Variants in EYA4 observed in about 807,000 individuals in gnomAD.
The protein encoded by EYA4 is protein phosphatase EYA4.
In EYA4, 31 loss-of-function variants were observed where a neutral mutation model predicts 87.9. The observed-to-expected ratio is 0.35, with a 90% confidence interval of 0.27 to 0.48. EYA4 has a LOEUF of 0.48. Among genes scored for constraint, EYA4 ranks in the 20% least tolerant of loss-of-function variants. The pLI is 0.99. For missense variants in EYA4, 678 were observed against 761.4 expected, an observed-to-expected ratio of 0.89 and a Z score of 1.29; for synonymous variants, 263 against 270.6, an observed-to-expected ratio of 0.97 and a Z score of 0.28.
chr6:133,348,106 C>T (rs941506727), intron 2 of EYA4, among the ~76,000 whole-genome samples: 3 of 152,074 alleles, frequency 2.0e-5, no homozygotes, highest in South Asian at 2.1e-4. Flanking sequence ...TCAGCTTCTT[C>T]GTTTGGGTGA....
At chr6:133,515,259 A>G (rs962361649) in intron 16 of EYA4, 62 bp from the exon 17 acceptor site, 8 of 837,246 alleles carry the variant, frequency 9.6e-6, no homozygotes, top group Admixed American at 8.5e-5. Context: ...AAGGGAATCT[A>G]AACTAGATAT....
intron 17 of EYA4, among the ~76,000 whole-genome samples, chr6:133,519,095 G>A (rs1295937588): frequency 6.6e-6 from 1 of 151,556 alleles, no homozygotes; most frequent in Non-Finnish European, 1.5e-5. Context: ...AACTAGAAAA[G>A]CAAGAGCAAA....
chr6:133,477,835 C>CATATAT (rs540198192), intron 11 of EYA4, among the ~76,000 whole-genome samples: 70 of 146,322 alleles, frequency 4.8e-4, no homozygotes, highest in African/African-American at 1.6e-3. Flanking sequence ...CACACACACG[C>CATATAT]ATATATATAT....
intron 19 of EYA4, among the ~76,000 whole-genome samples, chr6:133,527,567 T>C (rs1350437225): frequency 6.6e-6 from 1 of 152,216 alleles, no homozygotes; most frequent in African/African-American, 2.4e-5. Context: ...GTAAAAATTA[T>C]TGAAGTCATG....
chr6:133,443,290 T>A (rs1349849322), intron 3 of EYA4, among the ~76,000 whole-genome samples: 1 of 152,008 alleles, frequency 6.6e-6, no homozygotes, highest in African/African-American at 2.4e-5. Context: ...TGATAAATAT[T>A]TAATTATAAA....
intron 1 of EYA4, among the ~76,000 whole-genome samples, chr6:133,253,198 G>A (rs1189865931): frequency 1.3e-5 from 2 of 152,118 alleles, no homozygotes; most frequent in Non-Finnish European, 2.9e-5. Flanking sequence ...CGTTCTCGGG[G>A]AGTGTTGCGG....
intron 13 of EYA4, among the ~76,000 whole-genome samples, chr6:133,497,100 TTC>T (rs1797708212): frequency 6.6e-6 from 1 of 152,130 alleles, no homozygotes; most frequent in Non-Finnish European, 1.5e-5. Context: ...GTGAAATGCA[TTC>T]TCTCATTAGC....
In EYA4 at chr6:133,432,294, C is replaced by T. The variant is rs547876143; in HGVS notation, c.84-14336C>T. On this transcript the variant is annotated intron_variant, in intron 3 of 19. Transcript: ENST00000355286. ...GTTTTGAGTTGCACTAAACACACGG[C>T]GCAAGGAGATTGGCCATAACTTCCC... Among the ~76,000 whole-genome samples, 13 of 152,254 alleles carry T rather than the reference C, an allele frequency of 8.5e-5. No homozygotes were observed. In the East Asian group the frequency reaches 1.3e-3, roughly 16 times the overall value.
chr6:133,256,644 T>G (rs1218159724), intron 1 of EYA4, among the ~76,000 whole-genome samples: 1 of 152,144 alleles, frequency 6.6e-6, no homozygotes, highest in East Asian at 1.9e-4. Context: ...TATAAATCTG[T>G]TACTTATTAT....
At chr6:133,454,057 A>C (rs1305886995) in intron 5 of EYA4, among the ~76,000 whole-genome samples, 2 of 152,182 alleles carry the variant, frequency 1.3e-5, no homozygotes, top group Non-Finnish European at 2.9e-5. Flanking sequence ...TGGGTCTCAA[A>C]GTTGAAATTC....
intron 10 of EYA4, 152 bp from the exon 11 acceptor site, chr6:133,468,414 T>C: frequency 1.4e-6 from 1 of 709,088 alleles, no homozygotes. Context: ...CACAAAGTAG[T>C]CTCTGCTCAT....
chr6:133,505,722 C>T (rs922927121), intron 13 of EYA4, among the ~76,000 whole-genome samples: 29 of 152,076 alleles, frequency 1.9e-4, no homozygotes, highest in Admixed American at 2.0e-4. Flanking sequence ...AAAAGACATC[C>T]TTTCTTTTTA....
rs185008178 is a variant in EYA4 at position 133,486,749 on chromosome 6, G to T, written c.1191+3634G>T. ...GGGTGCTGATCTTCCAGTGTTCCAG[G>T]AATATGAAGTCTAGTGTGGCTGGAA... On this transcript the variant is annotated intron_variant, in intron 13 of 19. Coordinates refer to ENST00000355286, the MANE Select transcript of EYA4 (RefSeq NM_004100.5). 7.9e-5 allele frequency among the ~76,000 whole-genome samples: 12 copies of T among 152,250 alleles called. No homozygotes were observed. The East Asian group carries it at 2.3e-3, about 29-fold the overall frequency.
intron 6 of EYA4, among the ~76,000 whole-genome samples, chr6:133,459,926 GAAAATA>G (rs1794231648): frequency 6.6e-6 from 1 of 151,936 alleles, no homozygotes; most frequent in Non-Finnish European, 1.5e-5. Context: ...CTATGAAAAT[GAAAATA>G]TTCTTTCCAT....
chr6:133,268,726 G>A (rs1307024920), intron 1 of EYA4, among the ~76,000 whole-genome samples: 1 of 152,176 alleles, frequency 6.6e-6, no homozygotes, highest in Admixed American at 6.5e-5. Flanking sequence ...GAAAGGATAA[G>A]CAAGAAAGGG....
At chr6:133,404,422 C>T (rs978884661) in intron 3 of EYA4, among the ~76,000 whole-genome samples, 4 of 152,098 alleles carry the variant, frequency 2.6e-5, no homozygotes, top group Non-Finnish European at 5.9e-5. Context: ...AAGACAATAC[C>T]TCCTCTTAAC....
intron 2 of EYA4, among the ~76,000 whole-genome samples, chr6:133,300,653 T>C (rs111885854): frequency 6.6e-6 from 1 of 152,172 alleles, no homozygotes; most frequent in African/African-American, 2.4e-5. Flanking sequence ...TTGGTGGGAC[T>C]ACAGGCGTGT....
intron 14 of EYA4, 96 bp from the exon 15 acceptor site, chr6:133,512,625 G>C (rs1799255288): frequency 1.1e-6 from 1 of 927,568 alleles, no homozygotes; most frequent in Non-Finnish European, 1.8e-6. Flanking sequence ...GCCATCTTCT[G>C]GTGGTAGTCT....
rs1342547240 is a variant in EYA4, at chr6:133,338,140, G to C, written c.34-44252G>C. Among the ~76,000 whole-genome samples, 4 of 152,272 alleles carry C rather than the reference G, an allele frequency of 2.6e-5. No homozygotes were observed. In the South Asian group the frequency reaches 8.3e-4, roughly 32 times the overall value. On this transcript the variant is annotated intron_variant, in intron 2 of 19. Coordinates refer to ENST00000355286, the MANE Select transcript of EYA4 (RefSeq NM_004100.5). Reference sequence around the variant, plus strand: ...AAAAACTTACTTTAGAGCTTACTTTGTGGGCTTACCATCTAGTCATTAGCT... The same window carrying C: ...AAAAACTTACTTTAGAGCTTACTTTCTGGGCTTACCATCTAGTCATTAGCT...
Sources: allele counts gnomAD v4.1 joint callset (sites outside exome capture counted in the v4.1 genomes callset), GRCh38; gene constraint gnomAD v4.1.1; transcripts MANE v1.5; gene names NCBI Gene and HGNC (gene_info 2026-07-23, HGNC 2026-07-21).